The following PRIMA1 variants were observed in gnomAD, a reference collection of about 807,000 sequenced individuals.
PRIMA1 encodes the protein proline-rich membrane anchor 1.
Under a neutral mutation model 17.5 loss-of-function variants are expected in PRIMA1, and 7 were observed. The observed-to-expected ratio is 0.40, with a 90% CI of 0.23 to 0.75. The LOEUF (loss-of-function observed/expected upper bound fraction) is 0.75. PRIMA1 is among the 30% of genes least tolerant of loss of function. The pLI is 0.37. For synonymous variants in PRIMA1, 97 were observed against 77.9 expected (o/e 1.25, Z -1.29); for missense variants, 200 against 201.8 (o/e 0.99, Z 0.05).
In PRIMA1 at chr14:93,779,224, G is replaced by GGGGGGGGGGGGGGGGGGGGGGGC; in HGVS notation, c.180_181insGCCCCCCCCCCCCCCCCCCCCCC (p.Pro61AlafsTer42). 8.8e-7 allele frequency: 1 copy of GGGGGGGGGGGGGGGGGGGGGGGC among 1,134,022 alleles called. No individual in the cohort carries two copies. Among genetic ancestry groups the GGGGGGGGGGGGGGGGGGGGGGGC allele is most frequent in the South Asian group, 1.6e-5 (1 of 61,154 alleles). The allele number at this position is 1,134,022 out of a possible 1,614,324, so 70.2% of individuals were successfully genotyped here. Reference sequence around the variant, plus strand: ...GGTGGCGGGGGTGGGGGCGGCGGGGGCAGCGGGGGAGGGGGCCGGCACTGG... The same window carrying GGGGGGGGGGGGGGGGGGGGGGGC: ...GGTGGCGGGGGTGGGGGCGGCGGGGGGGGGGGGGGGGGGGGGGGGGGGCCAGCGGGGGAGGGGGCCGGCACTGG... On this transcript the variant is annotated frameshift_variant, in exon 3 of 5. Coordinates refer to ENST00000393140, the MANE Select transcript of PRIMA1 (RefSeq NM_178013.4). LOFTEE classifies it high-confidence loss of function.
intron 3 of PRIMA1, among the ~76,000 whole-genome samples, chr14:93,755,034 C>T (rs1224634697): frequency 6.6e-6 from 1 of 152,170 alleles, no homozygotes; most frequent in Admixed American, 6.5e-5. Context: ...TGGGAACTGA[C>T]ATTCCCAATT....
intron 3 of PRIMA1, among the ~76,000 whole-genome samples, chr14:93,748,817 A>G (rs2076242944): frequency 6.6e-6 from 1 of 151,914 alleles, no homozygotes; most frequent in Admixed American, 6.6e-5. Context: ...AAAAAACCCC[A>G]ATACATTATT....
intron 3 of PRIMA1, among the ~76,000 whole-genome samples, chr14:93,758,926 G>A (rs2076309177): frequency 6.6e-6 from 1 of 152,124 alleles, no homozygotes; most frequent in African/African-American, 2.4e-5. Context: ...CGCTCTCTGT[G>A]GGCTTGGCCT....
At chr14:93,725,824 C>T (rs1376494120) in intron 4 of PRIMA1, 1 of 398,974 alleles carries the variant, frequency 2.5e-6, no homozygotes, top group Non-Finnish European at 5.1e-6. Context: ...CCAGTCTGCA[C>T]AGACTTCCTA....
At chr14:93,766,199 G>T (rs1002402028) in intron 3 of PRIMA1, among the ~76,000 whole-genome samples, 1 of 152,162 alleles carries the variant, frequency 6.6e-6, no homozygotes, top group Non-Finnish European at 1.5e-5. Flanking sequence ...ATGGTTCAAC[G>T]AAATGAACAT....
chr14:93,771,610 A>C lies in PRIMA1; in HGVS notation c.229+7566T>G, dbSNP rs192887393. Among the ~76,000 whole-genome samples the C allele has an allele frequency of 1.9e-3, 295 of 152,338 alleles. 1 individual carries two copies. The highest frequency in any genetic ancestry group is 3.7e-3 in the Non-Finnish European group (253 of 68,030). The stretch of plus-strand genomic sequence containing the variant: ...GCCAGTCAACTCCTGTAGCAGCAAG[A>C]GAAAGAAAATATGTTGGTGTTGTAG... On this transcript the variant is annotated intron_variant, in intron 3 of 4. Transcript: ENST00000393140.
chr14:93,755,852 G>C (rs1018357279), intron 3 of PRIMA1, among the ~76,000 whole-genome samples: 1 of 152,018 alleles, frequency 6.6e-6, no homozygotes, highest in African/African-American at 2.4e-5. Context: ...TGAGAACCCA[G>C]CATTGTACCC....
chr14:93,735,795 G>T (rs1211128383), intron 4 of PRIMA1, among the ~76,000 whole-genome samples: 6 of 150,710 alleles, frequency 4.0e-5, no homozygotes, highest in Non-Finnish European at 7.4e-5. Context: ...AGGTTCAAGA[G>T]ATTCTCCTGC....
At chr14:93,741,550 C>T (rs1217128129) in intron 3 of PRIMA1, among the ~76,000 whole-genome samples, 1 of 152,190 alleles carries the variant, frequency 6.6e-6, no homozygotes, top group Non-Finnish European at 1.5e-5. Context: ...TCTGGGAGTA[C>T]AAAGATAAAT....
intron 4 of PRIMA1, among the ~76,000 whole-genome samples, chr14:93,729,769 A>G (rs139472170): frequency 1.3e-5 from 2 of 152,324 alleles, no homozygotes; most frequent in East Asian, 3.9e-4. Flanking sequence ...CTGCATTCAC[A>G]TCCTGGGAGT....
At chr14:93,764,585 G>A (rs1160405007) in intron 3 of PRIMA1, among the ~76,000 whole-genome samples, 2 of 152,092 alleles carry the variant, frequency 1.3e-5, no homozygotes, top group East Asian at 1.9e-4. Context: ...TGGCACACTC[G>A]GTGCTCTATA....
At position 93,737,455 on chromosome 14, in the gene PRIMA1, C is replaced by T. The variant is rs142623403; in HGVS notation, c.230-85G>A. 5.2e-4 allele frequency: 781 copies of T among 1,507,832 alleles called. 3 individuals are homozygous for T. In the African/African-American group the frequency reaches 1.0e-2, roughly 19 times the overall value. The allele number at this position is 1,507,832 out of a possible 1,614,324, so 93.4% of individuals were successfully genotyped here. On this transcript the variant is annotated intron_variant, in intron 3 of 4. Transcript: ENST00000393140. ...GAGGTGGGACCATCATGGGTGACAC[C>T]AACAGAGGCGTGGGGAGGTCACTGG...
rs747126450 is a variant in PRIMA1, at chr14:93,721,555, G to T, written c.360-9C>A. 58 of 1,586,210 alleles carry T rather than the reference G, an allele frequency of 3.7e-5. No individual in the cohort carries two copies. The highest frequency in any genetic ancestry group is 4.8e-5 in the Non-Finnish European group (55 of 1,155,816). ...CTTTTCTCAGTGGTTTCCTGGAAGTGGGGGGAGGGGACAGGAAAGGCAAAG... is the reference window on the plus strand; with the variant it reads ...CTTTTCTCAGTGGTTTCCTGGAAGTTGGGGGAGGGGACAGGAAAGGCAAAG... On this transcript the variant is annotated splice_polypyrimidine_tract_variant and intron_variant, in intron 4 of 4. Transcript: ENST00000393140.
intron 3 of PRIMA1, among the ~76,000 whole-genome samples, chr14:93,738,261 C>T (rs1307505906): frequency 1.3e-5 from 2 of 152,164 alleles, no homozygotes; most frequent in East Asian, 3.9e-4. Context: ...ACCTGAAGGA[C>T]TTGTGTCAGT....
intron 4 of PRIMA1, among the ~76,000 whole-genome samples, chr14:93,722,039 G>A (rs779077325): frequency 1.7e-4 from 10 of 59,192 alleles, no homozygotes; most frequent in South Asian, 4.8e-4. Flanking sequence ...TGGGGTGGTG[G>A]TGGTAGTGGT....
At chr14:93,747,663 AGAGT>A (rs200238539) in intron 3 of PRIMA1, among the ~76,000 whole-genome samples, 44 of 147,098 alleles carry the variant, frequency 3.0e-4, no homozygotes, top group Admixed American at 1.5e-3. Context: ...TGAGTGTGTG[AGAGT>A]GAGTGTGTGA....
chr14:93,779,622 C>T (rs1024287344), intron 2 of PRIMA1, among the ~76,000 whole-genome samples: 46 of 152,268 alleles, frequency 3.0e-4, no homozygotes, highest in African/African-American at 8.9e-4. Flanking sequence ...ATTGTACAAA[C>T]GAGTAAACTG....
chr14:93,737,395 G>A lies in PRIMA1; in HGVS notation c.230-25C>T, dbSNP rs2076156701. 4.3e-6 allele frequency: 7 copies of A among 1,610,572 alleles called. No homozygotes were observed. In the South Asian group the frequency reaches 4.4e-5, roughly 10 times the overall value. On this transcript the variant is annotated intron_variant, in intron 3 of 4. Transcript: ENST00000393140. ...GCTGAAAAAGACAGGAGCAGCCTGA[G>A]TGTCACCTGGATGAGCTGGTCATGG...
chr14:93,782,860 C>T (rs1482515908), intron 2 of PRIMA1, among the ~76,000 whole-genome samples: 7 of 152,182 alleles, frequency 4.6e-5, no homozygotes, highest in Admixed American at 4.6e-4. Flanking sequence ...CACTTGCTAG[C>T]CTCTCTCCAT....
Sources: gnomAD v4.1 joint callset for allele counts (sites outside exome capture counted in the v4.1 genomes callset) on GRCh38, gnomAD v4.1.1 for gene constraint, MANE v1.5 for transcripts, NCBI Gene and HGNC (gene_info 2026-07-23, HGNC 2026-07-21) for gene names.